Variants in CLVS1 observed in about 807,000 individuals in gnomAD.
CLVS1 encodes the protein clavesin 1.
In CLVS1, 10 loss-of-function variants were observed where a neutral mutation model predicts 33.1. The ratio of observed to expected loss-of-function variants is 0.30; its 90% CI spans 0.19 to 0.51. The LOEUF is 0.51. Among genes scored for constraint, CLVS1 ranks in the 20% least tolerant of loss-of-function variants. The pLI is 0.97. For synonymous variants in CLVS1, 163 were observed against 166.1 expected, an observed-to-expected ratio of 0.98 and a Z score of 0.14; for missense variants, 343 against 433.4, an observed-to-expected ratio of 0.79 and a Z score of 1.85.
the CLVS1 span, among the ~76,000 whole-genome samples, chr8:61,029,645 A>G: frequency 2.6e-5 from 4 of 151,942 alleles, no homozygotes; most frequent in Non-Finnish European, 4.4e-5. Flanking sequence ...ACATGTGCAG[A>G]AAGTGCAGTT....
At chr8:61,094,480 T>C (rs1805313083) in intron 1 of CLVS1, among the ~76,000 whole-genome samples, 1 of 152,190 alleles carries the variant, frequency 6.6e-6, no homozygotes, top group Non-Finnish European at 1.5e-5. Flanking sequence ...ATCTTCTCCT[T>C]TTTATGCATG....
intron 1 of CLVS1, among the ~76,000 whole-genome samples, chr8:61,072,892 A>G (rs1366376728): frequency 2.0e-5 from 3 of 152,242 alleles, no homozygotes; most frequent in African/African-American, 4.8e-5. Context: ...AAATGGAATA[A>G]TAAGTTCCAA....
At chr8:61,385,404 A>G (rs1814042235) in intron 3 of CLVS1, among the ~76,000 whole-genome samples, 2 of 152,158 alleles carry the variant, frequency 1.3e-5, no homozygotes, top group Admixed American at 6.5e-5. Flanking sequence ...GTTCTAGGGG[A>G]GCTAGCATCA....
At chr8:61,010,349 T>C in the CLVS1 span, among the ~76,000 whole-genome samples, 1 of 152,232 alleles carries the variant, frequency 6.6e-6, no homozygotes. Context: ...ATAGATAAAA[T>C]ACAGGACAAC....
chr8:61,277,092 G>C (rs999401471), intron 2 of CLVS1, among the ~76,000 whole-genome samples: 2 of 152,144 alleles, frequency 1.3e-5, no homozygotes, highest in Non-Finnish European at 2.9e-5. Context: ...AAGTCTTGCT[G>C]ACTCCAGAGC....
At chr8:60,982,519 T>C in the CLVS1 span, among the ~76,000 whole-genome samples, 1 of 152,172 alleles carries the variant, frequency 6.6e-6, no homozygotes, top group Non-Finnish European at 1.5e-5. Flanking sequence ...CAGCATATAA[T>C]TGCCTCACTG....
At chr8:61,231,306 A>ACACACACACACACACACACACACT (rs1018645839) in intron 2 of CLVS1, among the ~76,000 whole-genome samples, 2 of 151,108 alleles carry the variant, frequency 1.3e-5, no homozygotes, top group African/African-American at 2.4e-5. Flanking sequence ...ACACACACAC[A>ACACACACACACACACACACACACT]CTCTAATATT....
In CLVS1 at chr8:61,166,031, G is replaced by GTGTTTTTTTTT. The variant is rs1806856038; in HGVS notation, c.-152+34172_-152+34173insGTTTTTTTTTT. Among the ~76,000 whole-genome samples, 3 of 108,374 alleles carry GTGTTTTTTTTT rather than the reference G, an allele frequency of 2.8e-5. 1 individual carries two copies. The highest frequency in any genetic ancestry group is 5.8e-5 in the Non-Finnish European group (3 of 51,522). The allele number at this position is 108,374 out of a possible 152,430, so 71.1% of individuals were successfully genotyped here. A position where few individuals can be genotyped will look rare whatever the true frequency, so the allele number is the denominator to read the frequency against. On this transcript the variant is annotated intron_variant, in intron 2 of 2. Transcript: ENST00000522621. ...TATTTTTGTGGCTAAGCATCTAAGC[G>GTGTTTTTTTTT]TTTTTTTTTTTTTTGCCTGCCTTTG...
chr8:61,218,249 C>T (rs559352907), intron 2 of CLVS1, among the ~76,000 whole-genome samples: 1 of 152,090 alleles, frequency 6.6e-6, no homozygotes, highest in Non-Finnish European at 1.5e-5. Flanking sequence ...ATGGAGTCAA[C>T]CTGGGTGTCC....
At chr8:61,048,661 AC>A in the CLVS1 span, among the ~76,000 whole-genome samples, 1 of 152,100 alleles carries the variant, frequency 6.6e-6, no homozygotes, top group Non-Finnish European at 1.5e-5. Flanking sequence ...AGAAGGCAGG[AC>A]CTTTTGCATC....
chr8:61,210,073 G>C (rs996634501), intron 2 of CLVS1, among the ~76,000 whole-genome samples: 1 of 152,220 alleles, frequency 6.6e-6, no homozygotes, highest in African/African-American at 2.4e-5. Flanking sequence ...GGTCTTCCCT[G>C]AAAGTAAACA....
intron 1 of CLVS1, among the ~76,000 whole-genome samples, chr8:61,290,989 T>C (rs1358853154): frequency 6.6e-6 from 1 of 152,246 alleles, no homozygotes; most frequent in Non-Finnish European, 1.5e-5. Flanking sequence ...TTGAAACTTA[T>C]GCTTAATTGC....
At chr8:61,041,439 T>C in the CLVS1 span, among the ~76,000 whole-genome samples, 2 of 152,226 alleles carry the variant, frequency 1.3e-5, no homozygotes, top group Non-Finnish European at 2.9e-5. Flanking sequence ...ATTTTAATAA[T>C]ATTAATTCTT....
At chr8:61,252,047 G>T (rs1275841909) in intron 2 of CLVS1, among the ~76,000 whole-genome samples, 1 of 152,086 alleles carries the variant, frequency 6.6e-6, no homozygotes, top group African/African-American at 2.4e-5. Flanking sequence ...TTCTCTTGTG[G>T]TCATTTAGTG....
intron 2 of CLVS1, chr8:61,202,774 C>T (rs545296436): frequency 3.8e-5 from 59 of 1,544,976 alleles, no homozygotes; most frequent in East Asian, 2.2e-4. Flanking sequence ...ATCTGGAAAG[C>T]GATCTGCCCT....
At chr8:61,219,965 T>C (rs890652626) in intron 2 of CLVS1, among the ~76,000 whole-genome samples, 16 of 152,254 alleles carry the variant, frequency 1.1e-4, no homozygotes, top group African/African-American at 3.9e-4. Flanking sequence ...AAGAGTTTGT[T>C]CATATCCTTT....
chr8:60,982,529 G>A, the CLVS1 span, among the ~76,000 whole-genome samples: 8 of 152,154 alleles, frequency 5.3e-5, no homozygotes, highest in Admixed American at 1.3e-4. Flanking sequence ...TTGCCTCACT[G>A]TGCTGGAATT....
the CLVS1 span, among the ~76,000 whole-genome samples, chr8:60,969,642 G>A: frequency 6.6e-6 from 1 of 152,068 alleles, no homozygotes; most frequent in Non-Finnish European, 1.5e-5. Flanking sequence ...GCAGGGGCGG[G>A]GGCTGTTAGG....
intron 2 of CLVS1, among the ~76,000 whole-genome samples, chr8:61,272,577 C>T (rs1050786595): frequency 2.6e-5 from 4 of 152,182 alleles, no homozygotes; most frequent in Non-Finnish European, 4.4e-5. Flanking sequence ...TGGATAATAT[C>T]CTGCAGAGTG....
Sources: allele counts gnomAD v4.1 joint callset (sites outside exome capture counted in the v4.1 genomes callset), GRCh38; gene constraint gnomAD v4.1.1; transcripts MANE v1.5; gene names NCBI Gene and HGNC (gene_info 2026-07-23, HGNC 2026-07-21).